The following FKBP6 variants were observed in gnomAD, a reference collection of about 807,000 sequenced individuals.
The protein encoded by FKBP6 is FKBP prolyl isomerase family member 6 (inactive), also known as inactive peptidyl-prolyl cis-trans isomerase FKBP6.
FKBP6 carries 29 observed loss-of-function variants against 41.7 expected under a neutral mutation model. The observed-to-expected ratio is 0.70, with a 90% CI of 0.52 to 0.95. FKBP6 has a LOEUF of 0.95. FKBP6 is among the 40% of genes least tolerant of loss of function. The pLI, the probability that FKBP6 is intolerant of heterozygous loss-of-function variation, is 0.00. For synonymous variants in FKBP6, 130 were observed against 165.1 expected (o/e 0.79, Z 1.63); for missense variants, 338 against 408.7 (o/e 0.83, Z 1.49).
chr7:73,340,670 C>A lies in FKBP6; in HGVS notation c.621C>A (p.Pro207=), dbSNP rs1554549315. ...ALLLLRRRSA[P]PEEQHLVEAA... is the part of the protein sequence containing the mutation. ...TGCTTCTGCGCCGGCGATCAGCACCCCCTGAAGAGCAGCACCTGGTGGAGG... is the reference window on the plus strand; with the variant it reads ...TGCTTCTGCGCCGGCGATCAGCACCACCTGAAGAGCAGCACCTGGTGGAGG... The change falls in exon 6 of 9, where the codon CCC becomes CCA. Residue 207 remains proline (P), a synonymous_variant. Transcript: ENST00000252037. 3 of 1,613,872 alleles carry A rather than the reference C, an allele frequency of 1.9e-6. No homozygotes were observed. Among genetic ancestry groups the A allele is most frequent in the Non-Finnish European group, 8.5e-7 (1 of 1,180,010 alleles).
intron 5 of FKBP6, among the ~76,000 whole-genome samples, chr7:73,336,035 T>C (rs1804997110): frequency 1.3e-5 from 2 of 152,150 alleles, no homozygotes; most frequent in Non-Finnish European, 2.9e-5. Context: ...GTTTCCTGCT[T>C]TCAAGGGATT....
At chr7:73,353,277 TTCTGCCATG>T (rs1238960958) in intron 8 of FKBP6, among the ~76,000 whole-genome samples, 4 of 152,162 alleles carry the variant, frequency 2.6e-5, no homozygotes, top group Non-Finnish European at 5.9e-5. Context: ...ACAGAATCCC[TTCTGCCATG>T]TATGGTAATG....
At chr7:73,347,284 G>C (rs563545813) in intron 8 of FKBP6, among the ~76,000 whole-genome samples, 1 of 152,244 alleles carries the variant, frequency 6.6e-6, no homozygotes, top group South Asian at 2.1e-4. Context: ...TTTAATGTAA[G>C]ATCTGCATAA....
At chr7:73,336,696 C>T in intron 5 of FKBP6, 1 of 454,658 alleles carries the variant, frequency 2.2e-6, no homozygotes, top group Non-Finnish European at 4.4e-6. Flanking sequence ...TACCAGCACA[C>T]CACTGTGTGC....
chr7:73,342,703 A>G, intron 7 of FKBP6, 104 bp from the exon 8 acceptor site: 1 of 846,234 alleles, frequency 1.2e-6, no homozygotes, highest in Non-Finnish European at 2.1e-6. Flanking sequence ...TTGAGTCCTG[A>G]TAAATTTTCA....
intron 8 of FKBP6, among the ~76,000 whole-genome samples, chr7:73,354,503 C>A (rs1426190684): frequency 4.6e-5 from 7 of 152,362 alleles, no homozygotes; most frequent in African/African-American, 1.7e-4. Flanking sequence ...GGCCGGAGGA[C>A]TGCCGCCTTG....
At chr7:73,330,750 GGGCTGTT>G (rs1343426185) in intron 4 of FKBP6, among the ~76,000 whole-genome samples, 1 of 152,172 alleles carries the variant, frequency 6.6e-6, no homozygotes, top group Non-Finnish European at 1.5e-5. Context: ...AGAGTAAAAG[GGGCTGTT>G]CACTGGAGGG....
chr7:73,340,880 G>A, intron 6 of FKBP6, 48 bp downstream of exon 6: 2 of 1,035,056 alleles, frequency 1.9e-6, no homozygotes, highest in Non-Finnish European at 3.0e-6. Flanking sequence ...GGAAAAGGTA[G>A]TAGCAGTGCT....
intron 5 of FKBP6, among the ~76,000 whole-genome samples, chr7:73,332,508 T>C (rs1438751477): frequency 6.8e-6 from 1 of 148,108 alleles, no homozygotes; most frequent in Non-Finnish European, 1.5e-5. Flanking sequence ...AAAAAAAAAA[T>C]CCTCATGCCA....
intron 5 of FKBP6, among the ~76,000 whole-genome samples, chr7:73,335,395 C>CGT (rs1554548416): frequency 6.6e-6 from 1 of 152,170 alleles, no homozygotes; most frequent in Admixed American, 6.5e-5. Flanking sequence ...CTTTCTGCCC[C>CGT]GTGTGTGTGC....
intron 8 of FKBP6, among the ~76,000 whole-genome samples, chr7:73,343,576 ATTAGAC>A (rs1441861178): frequency 6.6e-6 from 1 of 152,228 alleles, no homozygotes; most frequent in African/African-American, 2.4e-5. Flanking sequence ...TCTACTTTCT[ATTAGAC>A]TTAGAGATTT....
At chr7:73,357,479 C>T (rs1352016023) in intron 8 of FKBP6, among the ~76,000 whole-genome samples, 2 of 151,594 alleles carry the variant, frequency 1.3e-5, no homozygotes, top group Non-Finnish European at 2.9e-5. Flanking sequence ...AGGCTGGTCT[C>T]GAACTACTGA....
Position 73,330,353 on chromosome 7 carries a change from G to C in FKBP6, c.468+1G>C. ...AGACAAGTTTTGTGCTCTCTCAGCT[G>C]TAAGTTCCAGAGCACAGATGTCAGC... On this transcript the variant is annotated splice_donor_variant, in intron 4 of 8. Coordinates refer to ENST00000252037, the MANE Select transcript of FKBP6 (RefSeq NM_003602.5). LOFTEE classifies it high-confidence loss of function. 1 of 1,609,050 alleles carries C rather than the reference G, an allele frequency of 6.2e-7. No homozygotes were observed. Among genetic ancestry groups the C allele is most frequent in the Non-Finnish European group, 8.5e-7 (1 of 1,175,362 alleles).
intron 5 of FKBP6, among the ~76,000 whole-genome samples, chr7:73,334,781 C>G (rs1189213901): frequency 1.2e-4 from 18 of 152,092 alleles, no homozygotes; most frequent in Non-Finnish European, 1.5e-4. Flanking sequence ...GGACTGTGTC[C>G]TTTTGCACTA....
At chr7:73,352,216 G>A (rs1486466175) in intron 8 of FKBP6, among the ~76,000 whole-genome samples, 2 of 152,024 alleles carry the variant, frequency 1.3e-5, no homozygotes, top group East Asian at 1.9e-4. Flanking sequence ...CTCCTGCCTC[G>A]GCCTCCCAGA....
chr7:73,329,539 C>T (rs1804765640), intron 3 of FKBP6, 90 bp downstream of exon 3: 1 of 866,648 alleles, frequency 1.2e-6, no homozygotes, highest in East Asian at 2.4e-5. Flanking sequence ...GCTCAGAGCG[C>T]AGGTTCTTTG....
intron 5 of FKBP6, among the ~76,000 whole-genome samples, chr7:73,334,052 A>G (rs529449640): frequency 2.6e-4 from 39 of 152,308 alleles, no homozygotes; most frequent in African/African-American, 9.1e-4. Flanking sequence ...AGCCAGGGGA[A>G]TAAGAGTGAA....
Position 73,358,281 on chromosome 7 carries a change from A to T in FKBP6, c.*103A>T, listed in dbSNP as rs1003752068. On this transcript the variant is annotated 3_prime_UTR_variant, in exon 9 of 9. Coordinates refer to ENST00000252037, the MANE Select transcript of FKBP6 (RefSeq NM_003602.5). ...GCCGTGGCAGCCACCTTCCAGGAGC[A>T]GGGGCTGGAATGTCCTGTGGCCGCA... The T allele has an allele frequency of 2.6e-5, 4 of 152,160 alleles. No individual in the cohort carries two copies. The highest frequency in any genetic ancestry group is 2.9e-5 in the Non-Finnish European group (2 of 68,032). The allele number at this position is 152,160 out of a possible 1,614,324, so 9.4% of individuals were successfully genotyped here.
intron 5 of FKBP6, among the ~76,000 whole-genome samples, chr7:73,334,108 TAAC>T (rs1292307696): frequency 2.0e-5 from 3 of 152,146 alleles, no homozygotes; most frequent in Non-Finnish European, 2.9e-5. Flanking sequence ...AGCTCAAAGC[TAAC>T]AACAACAACA....
Sources: allele counts gnomAD v4.1 joint callset (sites outside exome capture counted in the v4.1 genomes callset), GRCh38; gene constraint gnomAD v4.1.1; transcripts MANE v1.5; gene names NCBI Gene and HGNC (gene_info 2026-07-23, HGNC 2026-07-21).